SHISAL1: variants seen among roughly 807,000 people sequenced by gnomAD.
The protein encoded by SHISAL1 is protein shisa-like-1.
In SHISAL1, 9 loss-of-function variants were observed where a neutral mutation model predicts 22.6. The observed-to-expected ratio is 0.40, with a 90% confidence interval of 0.24 to 0.70. SHISAL1 has a LOEUF of 0.70. SHISAL1 is among the 30% of genes least tolerant of loss of function. The pLI is 0.39. For missense variants in SHISAL1, 246 were observed against 270.6 expected, an observed-to-expected ratio of 0.91 and a Z score of 0.64; for synonymous variants, 119 against 115.4, an observed-to-expected ratio of 1.03 and a Z score of -0.20.
At chr22:44,315,010 T>C (rs979823557), upstream of SHISAL1, among the ~76,000 whole-genome samples, 2 of 152,162 alleles carry the variant, frequency 1.3e-5, no homozygotes, top group South Asian at 2.1e-4. Context: ...CATCTGGCTA[T>C]AGCAAGGCAT....
At chr22:44,266,305 A>G (rs1601781663) in intron 4 of SHISAL1, among the ~76,000 whole-genome samples, 1 of 151,958 alleles carries the variant, frequency 6.6e-6, no homozygotes. Context: ...GGGAATTTTT[A>G]TTTTGTCTTC....
intron 3 of SHISAL1, 45 bp from the exon 4 acceptor site, chr22:44,285,790 C>A (rs981716155): frequency 6.7e-7 from 1 of 1,491,538 alleles, no homozygotes; most frequent in Admixed American, 1.7e-5. Context: ...GGGGAGCAGT[C>A]CAGCTCAGGC....
intron 4 of SHISAL1, among the ~76,000 whole-genome samples, chr22:44,269,474 GCACACACA>G (rs879356618): frequency 4.5e-5 from 1 of 22,350 alleles, no homozygotes; most frequent in South Asian, 1.5e-3. Flanking sequence ...CACAACACGC[GCACACACA>G]CACACACACA....
intron 3 of SHISAL1, among the ~76,000 whole-genome samples, chr22:44,290,009 T>C (rs1310441468): frequency 6.6e-6 from 1 of 152,188 alleles, no homozygotes; most frequent in Non-Finnish European, 1.5e-5. Flanking sequence ...AAACAAAACC[T>C]CTGATGGAGG....
chr22:44,329,111 G>C, the SHISAL1 span, among the ~76,000 whole-genome samples: 2 of 152,162 alleles, frequency 1.3e-5, no homozygotes, highest in Admixed American at 6.5e-5. Context: ...ACCTGACCTA[G>C]GGATGCCTCC....
In SHISAL1 at chr22:44,255,210, G is replaced by A. The variant is rs149690586; in HGVS notation, c.*-5525C>T. Among the ~76,000 whole-genome samples the A allele has an allele frequency of 2.2e-3, 335 of 152,072 alleles. 3 individuals carry two copies. Among genetic ancestry groups the A allele is most frequent in the African/African-American group, 6.8e-3 (283 of 41,472 alleles). On this transcript the variant is annotated intron_variant, in intron 4 of 4. Coordinates refer to ENST00000381176, the MANE Select transcript of SHISAL1 (RefSeq NM_001099294.2). ...TATATATTTTTTTTGAGATGGAGTC[G>A]GAGTTTCACTCTGTTGCCCAGGCTG...
At chr22:44,322,973 C>T in the SHISAL1 span, among the ~76,000 whole-genome samples, 1 of 151,286 alleles carries the variant, frequency 6.6e-6, no homozygotes, top group African/African-American at 2.4e-5. Context: ...ACCCACCAAC[C>T]TCACCCACCC....
chr22:44,309,616 T>C (rs756723241), intron 1 of SHISAL1, among the ~76,000 whole-genome samples: 3 of 152,068 alleles, frequency 2.0e-5, no homozygotes, highest in Non-Finnish European at 4.4e-5. Flanking sequence ...TCCTGTGCCC[T>C]GTCTCCACGA....
rs2055002217 is a variant in SHISAL1, at chr22:44,246,474, CAG to C, written c.*3209_*3210del. ...AAAATCAGGTTGAGTTGCTAAAAAA[CAG>C]TAACTCTAGCTATGCTTGAACTCGT... On this transcript the variant is annotated 3_prime_UTR_variant, in exon 5 of 5. Transcript: ENST00000381176. 2 of 152,140 alleles carry C rather than the reference CAG, an allele frequency of 1.3e-5. No individual in the cohort carries two copies. Among genetic ancestry groups the C allele is most frequent in the Non-Finnish European group, 2.9e-5 (2 of 68,046 alleles). The allele number at this position is 152,140 out of a possible 1,614,324, so 9.4% of individuals were successfully genotyped here. A position where few individuals can be genotyped will look rare whatever the true frequency, so the allele number is the denominator to read the frequency against.
At chr22:44,260,793 A>C (rs1196618614) in intron 4 of SHISAL1, among the ~76,000 whole-genome samples, 2 of 152,058 alleles carry the variant, frequency 1.3e-5, no homozygotes, top group Admixed American at 6.5e-5. Flanking sequence ...GAGGTTGTCC[A>C]TTCTGGGGTG....
chr22:44,276,878 A>C (rs1166855138), intron 4 of SHISAL1, among the ~76,000 whole-genome samples: 1 of 152,126 alleles, frequency 6.6e-6, no homozygotes, highest in Non-Finnish European at 1.5e-5. Flanking sequence ...CTTGTGTCTA[A>C]GATCAGGCAG....
At chr22:44,269,474 G>GCA (rs879356618) in intron 4 of SHISAL1, among the ~76,000 whole-genome samples, 99 of 22,372 alleles carry the variant, frequency 4.4e-3, no homozygotes, top group South Asian at 0.011. Context: ...CACAACACGC[G>GCA]CACACACACA....
rs116403171 is a variant in SHISAL1 at position 44,298,576 on chromosome 22, C to G, written c.68-1691G>C. On this transcript the variant is annotated intron_variant, in intron 2 of 4. Transcript: ENST00000381176. ...GAGGAGGCCCTGCTCACGCTCAGTG[C>G]GTGGGCAGCTGGGGAGGAACCAGGC... Among the ~76,000 whole-genome samples, 1,122 of 152,328 alleles carry G rather than the reference C, an allele frequency of 7.4e-3. 11 individuals carry two copies. The highest frequency in any genetic ancestry group is 0.026 in the African/African-American group (1,068 of 41,578).
At chr22:44,258,330 C>G (rs2055098736) in intron 4 of SHISAL1, among the ~76,000 whole-genome samples, 1 of 152,118 alleles carries the variant, frequency 6.6e-6, no homozygotes, top group South Asian at 2.1e-4. Context: ...CTTTTAAGTT[C>G]AGGGGTAAAT....
intron 4 of SHISAL1, among the ~76,000 whole-genome samples, chr22:44,283,115 C>A (rs562908112): frequency 6.6e-6 from 1 of 152,230 alleles, no homozygotes; most frequent in African/African-American, 2.4e-5. Flanking sequence ...AGTCACGCTG[C>A]GTGTCAAAGA....
the SHISAL1 span, among the ~76,000 whole-genome samples, chr22:44,322,824 C>T: frequency 7.9e-5 from 12 of 152,234 alleles, no homozygotes; most frequent in East Asian, 9.6e-4. Context: ...TTGTCGCTCT[C>T]GTCCTCAAAG....
rs2054992723 is a variant in SHISAL1, at chr22:44,245,584, G to C, written c.*4101C>G. On this transcript the variant is annotated 3_prime_UTR_variant, in exon 5 of 5. Coordinates refer to ENST00000381176, the MANE Select transcript of SHISAL1 (RefSeq NM_001099294.2). ...ACAGTCTCTAATAGACAGACATGGT[G>C]ATTGTGAAAGCAGCCGAGCCAGCGG... 1 of 152,328 alleles carries C rather than the reference G, an allele frequency of 6.6e-6. No homozygotes were observed. Among genetic ancestry groups the C allele is most frequent in the South Asian group, 2.1e-4 (1 of 4,832 alleles). 9.4% of individuals were successfully genotyped at this position (152,328 alleles called of 1,614,324 possible). A position where few individuals can be genotyped will look rare whatever the true frequency, so the allele number is the denominator to read the frequency against.
the SHISAL1 span, among the ~76,000 whole-genome samples, chr22:44,323,927 T>C: frequency 0.026 from 3,913 of 152,272 alleles, 166 homozygotes; most frequent in African/African-American, 0.09. Flanking sequence ...CCAAACACAT[T>C]CCTTGGAGCA....
chr22:44,313,289 T>C (rs2055533548), upstream of SHISAL1, among the ~76,000 whole-genome samples: 1 of 152,228 alleles, frequency 6.6e-6, no homozygotes. Flanking sequence ...TCAGTCTCTG[T>C]TGGGCAATGG....
Sources: gnomAD v4.1 joint callset for allele counts (sites outside exome capture counted in the v4.1 genomes callset) on GRCh38, gnomAD v4.1.1 for gene constraint, MANE v1.5 for transcripts, NCBI Gene and HGNC (gene_info 2026-07-23, HGNC 2026-07-21) for gene names.